COL5A2: variants seen among roughly 807,000 people sequenced by gnomAD.
The protein encoded by COL5A2 is collagen type V alpha 2 chain.
A neutral mutation model predicts 208.2 loss-of-function variants in COL5A2; 23 were observed. The ratio of observed to expected loss-of-function variants is 0.11; its 90% confidence interval spans 0.08 to 0.16. The LOEUF (loss-of-function observed/expected upper bound fraction) is 0.16, where lower values mean the gene tolerates loss of function less well. COL5A2 is among the 10% of genes least tolerant of loss of function. The pLI, the probability that COL5A2 is intolerant of heterozygous loss-of-function variation, is 1.00. For synonymous variants in COL5A2, 625 were observed against 628.5 expected (o/e 0.99, Z 0.08); for missense variants, 1,590 against 1,956.4 (o/e 0.81, Z 3.53).
the COL5A2 span, among the ~76,000 whole-genome samples, chr2:189,306,488 T>C: frequency 6.6e-6 from 1 of 152,226 alleles, no homozygotes; most frequent in Non-Finnish European, 1.5e-5. Context: ...CTTCATCATG[T>C]GCATTTTTAG....
At chr2:189,230,876 A>G in the COL5A2 span, among the ~76,000 whole-genome samples, 3 of 151,974 alleles carry the variant, frequency 2.0e-5, no homozygotes, top group African/African-American at 7.2e-5. Context: ...GATACTGAAG[A>G]GATATTTGTA....
At chr2:189,073,022 CA>C (rs1686311810) in intron 17 of COL5A2, among the ~76,000 whole-genome samples, 1 of 151,984 alleles carries the variant, frequency 6.6e-6, no homozygotes, top group Non-Finnish European at 1.5e-5. Context: ...CATATTTTTT[CA>C]TCCTATGTTT....
At chr2:189,314,595 C>A in the COL5A2 span, among the ~76,000 whole-genome samples, 2 of 152,098 alleles carry the variant, frequency 1.3e-5, no homozygotes, top group Non-Finnish European at 2.9e-5. Flanking sequence ...CACAGCTGAA[C>A]TGAAGGAGAC....
At chr2:189,304,241 CAAGG>C in the COL5A2 span, among the ~76,000 whole-genome samples, 1 of 152,070 alleles carries the variant, frequency 6.6e-6, no homozygotes. Flanking sequence ...CCAAAAATAA[CAAGG>C]GCTTTATTTC....
chr2:189,208,750 A>T (rs1211464756), intron 1 of COL5A2, among the ~76,000 whole-genome samples: 1 of 152,198 alleles, frequency 6.6e-6, no homozygotes, highest in Admixed American at 6.5e-5. Flanking sequence ...TACATTGGTT[A>T]TTGAGCTATT....
At chr2:189,190,237 C>T (rs1688906379) in intron 1 of COL5A2, among the ~76,000 whole-genome samples, 1 of 152,110 alleles carries the variant, frequency 6.6e-6, no homozygotes, top group South Asian at 2.1e-4. Flanking sequence ...TTTGGAGGAA[C>T]ACCTGGATTT....
At chr2:189,339,115 C>A in the COL5A2 span, among the ~76,000 whole-genome samples, 2 of 152,070 alleles carry the variant, frequency 1.3e-5, no homozygotes, top group Non-Finnish European at 2.9e-5. Flanking sequence ...ATTTGGGAGG[C>A]CAAGGTGGGT....
the COL5A2 span, among the ~76,000 whole-genome samples, chr2:189,429,173 A>C: frequency 1.2e-4 from 19 of 152,248 alleles, no homozygotes; most frequent in African/African-American, 4.6e-4. Context: ...AGGTAGGTTT[A>C]ACCATTCCAC....
At chr2:189,381,707 A>T in the COL5A2 span, among the ~76,000 whole-genome samples, 3 of 152,228 alleles carry the variant, frequency 2.0e-5, no homozygotes, top group East Asian at 5.8e-4. Context: ...ATATGGAAAG[A>T]TTGTGCAGTA....
Position 189,092,276 on chromosome 2 carries a change from C to T in COL5A2, c.567+34G>A, listed in dbSNP as rs374131459. Reference sequence around the variant, plus strand: ...ATATATCAATAATTTAAAACATGACCTGTACGTGACATCAAACAATGCACA... The same window carrying T: ...ATATATCAATAATTTAAAACATGACTTGTACGTGACATCAAACAATGCACA... On this transcript the variant is annotated intron_variant, in intron 7 of 53. Coordinates refer to ENST00000374866, the MANE Select transcript of COL5A2 (RefSeq NM_000393.5). 5.9e-5 allele frequency: 73 copies of T among 1,247,698 alleles called. No homozygotes were observed. In the African/African-American group the frequency reaches 9.6e-4, roughly 16 times the overall value. 77.3% of individuals were successfully genotyped at this position (1,247,698 alleles called of 1,614,324 possible). A position where few individuals can be genotyped will look rare whatever the true frequency, so the allele number is the denominator to read the frequency against.
the COL5A2 span, among the ~76,000 whole-genome samples, chr2:189,388,149 T>C: frequency 3.3e-5 from 5 of 152,192 alleles, no homozygotes; most frequent in Non-Finnish European, 7.4e-5. Context: ...TGCCAACTTC[T>C]GTTCTAGGCA....
At chr2:189,264,158 T>C in the COL5A2 span, among the ~76,000 whole-genome samples, 10 of 152,206 alleles carry the variant, frequency 6.6e-5, no homozygotes, top group East Asian at 1.9e-3. Context: ...ATACAATTTA[T>C]AATAGCAAAA....
the COL5A2 span, among the ~76,000 whole-genome samples, chr2:189,300,649 C>A: frequency 6.6e-6 from 1 of 152,192 alleles, no homozygotes; most frequent in Non-Finnish European, 1.5e-5. Context: ...GCCCTGAAGA[C>A]TGGGTGTGTC....
chr2:189,369,839 A>C, the COL5A2 span, among the ~76,000 whole-genome samples: 1 of 152,170 alleles, frequency 6.6e-6, no homozygotes, highest in Non-Finnish European at 1.5e-5. Context: ...CGATTGCATG[A>C]TGAGGTCTAG....
At chr2:189,150,175 A>G (rs893285505) in intron 1 of COL5A2, among the ~76,000 whole-genome samples, 1 of 152,214 alleles carries the variant, frequency 6.6e-6, no homozygotes, top group Non-Finnish European at 1.5e-5. Context: ...ACAGGCTCAC[A>G]GTCTATAATA....
chr2:189,168,771 TTTAA>T (rs1688519921), intron 1 of COL5A2, among the ~76,000 whole-genome samples: 1 of 152,162 alleles, frequency 6.6e-6, no homozygotes, highest in Admixed American at 6.5e-5. Context: ...ATATCAAAAA[TTTAA>T]TTAAAGAATT....
chr2:189,260,959 A>G, the COL5A2 span, among the ~76,000 whole-genome samples: 2 of 152,292 alleles, frequency 1.3e-5, no homozygotes, highest in East Asian at 3.9e-4. Flanking sequence ...AAAGTTCAGG[A>G]TGGGCATTCA....
the COL5A2 span, among the ~76,000 whole-genome samples, chr2:189,340,602 A>G: frequency 6.6e-6 from 1 of 152,174 alleles, no homozygotes; most frequent in Non-Finnish European, 1.5e-5. Context: ...ATCACAAAAT[A>G]AAATATATAA....
chr2:189,054,034 G>T, intron 36 of COL5A2, 86 bp from the exon 37 acceptor site: 1 of 1,446,030 alleles, frequency 6.9e-7, no homozygotes, highest in South Asian at 1.2e-5. Flanking sequence ...GGAGGAGATA[G>T]TGGAAAAGAA....
Sources: gnomAD v4.1 joint callset for allele counts (sites outside exome capture counted in the v4.1 genomes callset) on GRCh38, gnomAD v4.1.1 for gene constraint, MANE v1.5 for transcripts, NCBI Gene and HGNC (gene_info 2026-07-23, HGNC 2026-07-21) for gene names.